The following ECE2 variants were observed in gnomAD, a reference collection of about 807,000 sequenced individuals.
ECE2 encodes endothelin-converting enzyme 2.
A neutral mutation model predicts 100.6 loss-of-function variants in ECE2; 81 were observed. The ratio of observed to expected loss-of-function variants is 0.81; its 90% confidence interval spans 0.67 to 0.97. The LOEUF is 0.97. Ranked by LOEUF, ECE2 falls within the 50% of genes least tolerant of loss-of-function variation. The probability of loss-of-function intolerance (pLI) is 0.00; values close to 1 mark genes in which losing one functional copy is unlikely to be tolerated. For synonymous variants in ECE2, 391 were observed against 391.5 expected, an observed-to-expected ratio of 1.00 and a Z score of 0.02; for missense variants, 911 against 988.1, an observed-to-expected ratio of 0.92 and a Z score of 1.05.
At chr3:184,287,814 C>G in intron 10 of ECE2, 23 bp from the exon 11 acceptor site, 2 of 1,601,376 alleles carry the variant, frequency 1.2e-6, no homozygotes, top group Non-Finnish European at 1.7e-6. Flanking sequence ...TCTCTAGGGT[C>G]CTGGCTCTTT....
chr3:184,291,855 G>A lies in ECE2; in HGVS notation c.2122-207G>A. On this transcript the variant is annotated intron_variant, in intron 18 of 18. Transcript: ENST00000404464. The surrounding 1 kb of genome is among the most constrained non-coding windows in gnomAD (Gnocchi z 4.1). ...CAAGGACCCAGGCAGAGCCTCCGCT[G>A]GGCAGCCACAGCAGGCAGCTTCTGG... The A allele has an allele frequency of 1.7e-6, 1 of 598,968 alleles. No individual in the cohort carries two copies. Among genetic ancestry groups the A allele is most frequent in the Non-Finnish European group, 2.9e-6 (1 of 345,592 alleles). 37.1% of individuals were successfully genotyped at this position (598,968 alleles called of 1,614,324 possible).
intron 3 of ECE2, 60 bp from the exon 4 acceptor site, chr3:184,277,191 G>C: frequency 6.2e-7 from 1 of 1,609,316 alleles, no homozygotes; most frequent in Non-Finnish European, 8.5e-7. Context: ...TGCAGAGTTT[G>C]CCTCTTCCAG....
Position 184,291,737 on chromosome 3 carries a change from C to T in ECE2, c.2121+298C>T, listed in dbSNP as rs1056648278. Reference sequence around the variant, plus strand: ...CGAAGGGGGCAAACGTTCATCCTCACGCTGTTCCTGTGAGGGAGACATGCA... The same window carrying T: ...CGAAGGGGGCAAACGTTCATCCTCATGCTGTTCCTGTGAGGGAGACATGCA... On this transcript the variant is annotated intron_variant, in intron 18 of 18. Transcript: ENST00000404464. The surrounding 1 kb of genome is among the most constrained non-coding windows in gnomAD (Gnocchi z 4.1). 17 of 513,420 alleles carry T rather than the reference C, an allele frequency of 3.3e-5. No individual in the cohort carries two copies. Among genetic ancestry groups the T allele is most frequent in the South Asian group, 6.8e-5 (2 of 29,412 alleles). 31.8% of individuals were successfully genotyped at this position (513,420 alleles called of 1,614,324 possible).
intron 13 of ECE2, among the ~76,000 whole-genome samples, 179 bp from the exon 14 acceptor site, chr3:184,290,076 G>T (rs1721239593): frequency 6.6e-6 from 1 of 152,102 alleles, no homozygotes; most frequent in African/African-American, 2.4e-5. Flanking sequence ...AATACAGTAT[G>T]TAAAAAAACA....
At position 184,289,730 on chromosome 3, in the gene ECE2, C is replaced by A; in HGVS notation, c.1551+12C>A. 1 of 1,605,736 alleles carries A rather than the reference C, an allele frequency of 6.2e-7. No individual in the cohort carries two copies. Among genetic ancestry groups the A allele is most frequent in the Non-Finnish European group, 8.5e-7 (1 of 1,175,728 alleles). ...ATGTTTATGACGGGGTGAGTACCTA[C>A]GCTCATCAGTACTGAACTTCAGCCC... On this transcript the variant is annotated intron_variant, in intron 13 of 18. Coordinates refer to ENST00000404464, the MANE Select transcript of ECE2 (RefSeq NM_001100121.2). This position sits in a 1 kb window ranked among gnomAD's most constrained non-coding sequence, Gnocchi z 4.1.
intron 10 of ECE2, 105 bp from the exon 11 acceptor site, chr3:184,287,732 T>C: frequency 1.0e-6 from 1 of 990,278 alleles, no homozygotes; most frequent in African/African-American, 1.6e-5. Flanking sequence ...AACCCAGGAC[T>C]CTTGTCCAGA....
rs781134916 is a variant in ECE2 at position 184,285,473 on chromosome 3, G to A, written c.1149-5G>A. The A allele has an allele frequency of 1.2e-6, 2 of 1,610,962 alleles. No individual in the cohort carries two copies. Among genetic ancestry groups the A allele is most frequent in the Non-Finnish European group, 1.7e-6 (2 of 1,177,162 alleles). On this transcript the variant is annotated splice_region_variant and splice_polypyrimidine_tract_variant and intron_variant, in intron 9 of 18. Coordinates refer to ENST00000404464, the MANE Select transcript of ECE2 (RefSeq NM_001100121.2). ...CCTTTTCTTATTTTCTGGTCTGGTTGTCAGCATCCTGAACAATTACCTGAT... is the reference window on the plus strand; with the variant it reads ...CCTTTTCTTATTTTCTGGTCTGGTTATCAGCATCCTGAACAATTACCTGAT...
At chr3:184,288,309 C>CAAAAAAAAAA (rs10608428) in intron 11 of ECE2, among the ~76,000 whole-genome samples, 42 of 91,414 alleles carry the variant, frequency 4.6e-4, no homozygotes, top group East Asian at 7.1e-4. Context: ...AACTCTGTCT[C>CAAAAAAAAAA]AAAAAAAAAA....
rs1721199874 is a variant in ECE2 at position 184,289,320 on chromosome 3, T to C, written c.1375-117T>C. The C allele has an allele frequency of 1.2e-6, 1 of 857,136 alleles. No homozygotes were observed. The highest frequency in any genetic ancestry group is 1.7e-5 in the African/African-American group (1 of 59,302). The allele number at this position is 857,136 out of a possible 1,614,324, so 53.1% of individuals were successfully genotyped here. A position where few individuals can be genotyped will look rare whatever the true frequency, so the allele number is the denominator to read the frequency against. On this transcript the variant is annotated intron_variant, in intron 11 of 18. Transcript: ENST00000404464. The surrounding 1 kb of genome is among the most constrained non-coding windows in gnomAD (Gnocchi z 4.1). Reference sequence around the variant, plus strand: ...TCTCCAGGTGCTCAGCCGTATTTCTTTAGTCTAGACGTTCCCATTTCCCCT... The same window carrying C: ...TCTCCAGGTGCTCAGCCGTATTTCTCTAGTCTAGACGTTCCCATTTCCCCT...
Position 184,292,496 on chromosome 3 carries a change from G to C in ECE2, c.*258G>C, listed in dbSNP as rs1251100768. ...GTCACCCTGCCTGGAAGAGGTCTGG[G>C]TGGGGAGGCCAGTTCCCATAGGAAG... On this transcript the variant is annotated 3_prime_UTR_variant, in exon 19 of 19. Coordinates refer to ENST00000404464, the MANE Select transcript of ECE2 (RefSeq NM_001100121.2). The C allele has an allele frequency of 5.6e-6, 3 of 532,730 alleles. No individual in the cohort carries two copies. The highest frequency in any genetic ancestry group is 5.0e-5 in the South Asian group (2 of 40,376). The allele number at this position is 532,730 out of a possible 1,614,324, so 33.0% of individuals were successfully genotyped here.
intron 1 of ECE2, 129 bp downstream of exon 1, chr3:184,276,321 G>T (rs1237569945): frequency 1.4e-6 from 2 of 1,389,842 alleles, no homozygotes; most frequent in Non-Finnish European, 1.9e-6. Flanking sequence ...CTGGTGGAGG[G>T]GTGATAGAGA....
In ECE2 at chr3:184,292,103, G is replaced by C; in HGVS notation, c.2163G>C (p.Gly721=). 6.2e-7 allele frequency: 1 copy of C among 1,614,020 alleles called. No homozygotes were observed. Among genetic ancestry groups the C allele is most frequent in the Non-Finnish European group, 8.5e-7 (1 of 1,180,016 alleles). The change falls in exon 19 of 19, where the codon GGG becomes GGC. Residue 721 remains glycine (G), a synonymous_variant. Coordinates refer to ENST00000404464, the MANE Select transcript of ECE2 (RefSeq NM_001100121.2). The stretch of plus-strand genomic sequence containing the variant: ...GCACACCAGAGAGCTCTCACGAGGG[G>C]CTGGTGACCGACCCCCACAGCCCTG... The part of the protein sequence containing the change: ...SVRTPESSHE[G]LVTDPHSPAR...
At chr3:184,285,847 A>G (rs1442264502) in intron 10 of ECE2, among the ~76,000 whole-genome samples, 1 of 152,180 alleles carries the variant, frequency 6.6e-6, no homozygotes, top group Non-Finnish European at 1.5e-5. Context: ...GGTTGTCAGG[A>G]AGAGTATTAG....
chr3:184,290,993 G>C (rs565466712), intron 16 of ECE2, 47 bp from the exon 17 acceptor site: 1 of 1,558,400 alleles, frequency 6.4e-7, no homozygotes, highest in Admixed American at 1.9e-5. Flanking sequence ...CTGCCCCCAA[G>C]AGACGAGCTC....
rs934395105 is a variant in ECE2, at chr3:184,291,370, T to C, written c.2052T>C (p.His684=). 1.9e-6 allele frequency: 3 copies of C among 1,608,890 alleles called. No homozygotes were observed. The highest frequency in any genetic ancestry group is 1.3e-5 in the African/African-American group (1 of 74,946). Residue 684 remains histidine, a synonymous_variant, in exon 18 of 19, where the codon CAT becomes CAC. Transcript: ENST00000404464. This position sits in a 1 kb window ranked among gnomAD's most constrained non-coding sequence, Gnocchi z 4.1. The part of the protein sequence containing the change: ...YNAYKAWLRK[H]GEEQQLPAVG... Reference sequence around the variant, plus strand: ...CTTACAAAGCATGGCTGAGAAAGCATGGGGAGGAGCAGCAACTGCCAGCCG... The same window carrying C: ...CTTACAAAGCATGGCTGAGAAAGCACGGGGAGGAGCAGCAACTGCCAGCCG...
At chr3:184,280,902 C>T (rs1040864390) in intron 7 of ECE2, among the ~76,000 whole-genome samples, 7 of 151,742 alleles carry the variant, frequency 4.6e-5, no homozygotes, top group African/African-American at 1.7e-4. Flanking sequence ...TCGCTTGAAC[C>T]TGGGAGGTGG....
rs907531340 is a variant in ECE2, at chr3:184,289,118, G to A, written c.1375-319G>A. On this transcript the variant is annotated intron_variant, in intron 11 of 18. Transcript: ENST00000404464. The surrounding 1 kb of genome is among the most constrained non-coding windows in gnomAD (Gnocchi z 4.1). ...TGCAGTGAGCCGAGATTGCGCCACT[G>A]CACTCCATCCTAGGTAACACAGCCA... 7.2e-4 allele frequency among the ~76,000 whole-genome samples: 107 copies of A among 149,412 alleles called. 1 individual carries two copies. Among genetic ancestry groups the A allele is most frequent in the Non-Finnish European group, 3.2e-4 (22 of 67,754 alleles).
chr3:184,287,834 C>A lies in ECE2; in HGVS notation c.1264-3C>A, dbSNP rs772812313. ...AGGGTCCTGGCTCTTTGTCCTTTAA[C>A]AGTCCTGTGTGCCGAGGTGGCAGAC... On this transcript the variant is annotated splice_polypyrimidine_tract_variant and splice_region_variant and intron_variant, in intron 10 of 18. Coordinates refer to ENST00000404464, the MANE Select transcript of ECE2 (RefSeq NM_001100121.2). 4.3e-6 allele frequency: 7 copies of A among 1,613,808 alleles called. No individual in the cohort carries two copies. The South Asian group carries it at 7.7e-5, about 18-fold the overall frequency.
At chr3:184,277,772 G>A (rs1041508762) in intron 4 of ECE2, among the ~76,000 whole-genome samples, 153 bp from the exon 5 acceptor site, 15 of 152,206 alleles carry the variant, frequency 9.9e-5, no homozygotes, top group Non-Finnish European at 1.6e-4. Context: ...ACAGGGAGAG[G>A]AAGCCACGGC....
Sources: gnomAD v4.1 joint callset for allele counts (sites outside exome capture counted in the v4.1 genomes callset) on GRCh38, gnomAD v4.1.1 for gene constraint, Gnocchi (gnomAD v3.1) non-coding constraint, MANE v1.5 for transcripts, NCBI Gene and HGNC (gene_info 2026-07-23, HGNC 2026-07-21) for gene names.